Variants in POM121C observed in about 807,000 individuals in gnomAD.
POM121C encodes the protein POM121 transmembrane nucleoporin C, also known as nuclear envelope pore membrane protein POM 121C.
Under a neutral mutation model 66.4 loss-of-function variants are expected in POM121C, and 20 were observed. That is an observed-to-expected ratio of 0.30 (90% confidence interval 0.21 to 0.44). The LOEUF is 0.44. POM121C is among the 20% of genes least tolerant of loss of function. The probability of loss-of-function intolerance (pLI) is 1.00; values close to 1 mark genes in which losing one functional copy is unlikely to be tolerated. For synonymous variants in POM121C, 286 were observed against 528.0 expected (o/e 0.54, Z 6.28); for missense variants, 580 against 1,225.7 (o/e 0.47, Z 7.87).
chr7:75,471,494 G>A (rs1271257993), intron 3 of POM121C, among the ~76,000 whole-genome samples: 2 of 152,142 alleles, frequency 1.3e-5, no homozygotes, highest in Admixed American at 6.5e-5. Flanking sequence ...CACCATGCCC[G>A]GCCGAGACCT....
intron 3 of POM121C, among the ~76,000 whole-genome samples, chr7:75,469,314 C>G (rs1584708290): frequency 1.3e-5 from 2 of 152,052 alleles, no homozygotes; most frequent in African/African-American, 2.4e-5. Flanking sequence ...CCCAGGCTAG[C>G]CTTGATCTCC....
chr7:75,455,055 CAG>C (rs1263358602), intron 3 of POM121C, among the ~76,000 whole-genome samples: 1 of 152,116 alleles, frequency 6.6e-6, no homozygotes, highest in African/African-American at 2.4e-5. Flanking sequence ...TGTATGATAT[CAG>C]ACTAAATTAT....
chr7:75,448,186 A>C lies in POM121C; in HGVS notation c.-151-6539T>G, dbSNP rs59551546. Among the ~76,000 whole-genome samples the C allele has an allele frequency of 4.6e-5, 7 of 151,848 alleles. No homozygotes were observed. The South Asian group carries it at 1.5e-3, about 31-fold the overall frequency. On this transcript the variant is annotated intron_variant, in intron 3 of 14. Coordinates refer to ENST00000615331, the MANE Select transcript of POM121C (RefSeq NM_001099415.3). ...TGGGAGGTCGAGGCTCCAGTGAGCC[A>C]TAATTGTGCCACTGCATTCCAGCCT...
At chr7:75,478,040 C>A (rs1374999391) in intron 1 of POM121C, among the ~76,000 whole-genome samples, 2 of 152,150 alleles carry the variant, frequency 1.3e-5, no homozygotes, top group Non-Finnish European at 2.9e-5. Flanking sequence ...AATCTTGGCT[C>A]ACTGCAACCT....
chr7:75,423,488 G>C (rs1278760193), intron 12 of POM121C, among the ~76,000 whole-genome samples: 1 of 150,594 alleles, frequency 6.6e-6, no homozygotes, highest in Admixed American at 6.6e-5. Flanking sequence ...GTTCACGTAT[G>C]AATCTAGATA....
At chr7:75,459,157 G>GA (rs1424493750) in intron 3 of POM121C, among the ~76,000 whole-genome samples, 2 of 146,894 alleles carry the variant, frequency 1.4e-5, no homozygotes, top group Non-Finnish European at 3.0e-5. Context: ...CTTGCCATAA[G>GA]AAAAAAAATT....
intron 1 of POM121C, among the ~76,000 whole-genome samples, chr7:75,477,965 TTTTTG>T (rs1235939970): frequency 6.6e-6 from 1 of 151,994 alleles, no homozygotes; most frequent in Non-Finnish European, 1.5e-5. Flanking sequence ...TTTGTTTTTG[TTTTTG>T]TTTTTTGTTT....
chr7:75,467,193 G>A (rs1791685151), intron 3 of POM121C, among the ~76,000 whole-genome samples: 1 of 152,096 alleles, frequency 6.6e-6, no homozygotes, highest in Non-Finnish European at 1.5e-5. Flanking sequence ...CTCATATGAC[G>A]ACTGTAGAGA....
At chr7:75,467,954 AC>A (rs1554478091) in intron 3 of POM121C, among the ~76,000 whole-genome samples, 1 of 151,722 alleles carries the variant, frequency 6.6e-6, no homozygotes, top group Non-Finnish European at 1.5e-5. Context: ...ACATGATGAA[AC>A]CCCATCACTA....
chr7:75,442,206 G>A (rs1790678262), intron 3 of POM121C: 1 of 1,345,062 alleles, frequency 7.4e-7, no homozygotes, highest in African/African-American at 1.6e-5. Flanking sequence ...TAAAAGTGGT[G>A]AACGCGATGG....
intron 7 of POM121C, among the ~76,000 whole-genome samples, chr7:75,432,068 C>A (rs1439514802): frequency 6.6e-6 from 1 of 151,752 alleles, no homozygotes; most frequent in Non-Finnish European, 1.5e-5. Context: ...CACCTATAGT[C>A]CCAGCTACTA....
intron 3 of POM121C, among the ~76,000 whole-genome samples, chr7:75,474,338 G>A (rs1791992935): frequency 6.6e-6 from 1 of 152,152 alleles, no homozygotes; most frequent in Non-Finnish European, 1.5e-5. Flanking sequence ...TGGTTGCAGT[G>A]AGCTGAGATC....
chr7:75,419,297 C>A lies in POM121C; in HGVS notation c.2866+23G>T, dbSNP rs147330874. On this transcript the variant is annotated intron_variant, in intron 14 of 14. Transcript: ENST00000615331. ...CCTCTCCTCAGACAGACGAGCAGGG[C>A]CACAGGGTGGCTTGCTGCTTACCGA... The A allele has an allele frequency of 1.5e-3, 2,343 of 1,603,180 alleles. 24 individuals are homozygous for A. In the African/African-American group the frequency reaches 0.025, roughly 17 times the overall value.
At chr7:75,479,818 C>T (rs1157627358) in intron 1 of POM121C, among the ~76,000 whole-genome samples, 3 of 151,984 alleles carry the variant, frequency 2.0e-5, no homozygotes, top group Non-Finnish European at 2.9e-5. Flanking sequence ...TAAACTATGA[C>T]AATTAAAGTT....
intron 9 of POM121C, 137 bp downstream of exon 9, chr7:75,425,498 A>C: frequency 8.7e-7 from 1 of 1,152,290 alleles, no homozygotes; most frequent in Non-Finnish European, 1.2e-6. Flanking sequence ...GAAGGAGAGG[A>C]AATCTCTCTC....
rs1554469902 is a variant in POM121C at position 75,417,213 on chromosome 7, T to G, written c.*1583A>C. 1.0e-6 allele frequency: 1 copy of G among 954,946 alleles called. No individual in the cohort carries two copies. Among genetic ancestry groups the G allele is most frequent in the African/African-American group, 1.8e-5 (1 of 56,550 alleles). The allele number at this position is 954,946 out of a possible 1,614,324, so 59.2% of individuals were successfully genotyped here. A position where few individuals can be genotyped will look rare whatever the true frequency, so the allele number is the denominator to read the frequency against. On this transcript the variant is annotated 3_prime_UTR_variant, in exon 15 of 15. Transcript: ENST00000615331. Reference sequence around the variant, plus strand: ...GGCACCGGTTACATCTACATCACATTATTTATAAAATAAGAATTACATTTC... The same window carrying G: ...GGCACCGGTTACATCTACATCACATGATTTATAAAATAAGAATTACATTTC...
At chr7:75,442,283 C>G (rs1554474159) in intron 3 of POM121C, 3 of 1,451,610 alleles carry the variant, frequency 2.1e-6, no homozygotes, top group Non-Finnish European at 1.8e-6. Flanking sequence ...AGGCCTATTC[C>G]GCAGGTCCTG....
intron 1 of POM121C, among the ~76,000 whole-genome samples, chr7:75,477,110 T>TACAC (rs57918412): frequency 3.6e-5 from 5 of 140,590 alleles, no homozygotes; most frequent in East Asian, 4.3e-4. Flanking sequence ...TTTGCGTGTA[T>TACAC]ACACACACAC....
At chr7:75,455,218 C>T (rs1554476182) in intron 3 of POM121C, among the ~76,000 whole-genome samples, 1 of 152,250 alleles carries the variant, frequency 6.6e-6, no homozygotes, top group East Asian at 1.9e-4. Flanking sequence ...ACTGAATTAC[C>T]CGCCGTGCTG....
Sources: allele counts gnomAD v4.1 joint callset (sites outside exome capture counted in the v4.1 genomes callset), GRCh38; gene constraint gnomAD v4.1.1; transcripts MANE v1.5; gene names NCBI Gene and HGNC (gene_info 2026-07-23, HGNC 2026-07-21).